Variants in UBXN2B observed in about 807,000 individuals in gnomAD.
UBXN2B encodes UBX domain protein 2B.
UBXN2B carries 19 observed loss-of-function variants against 37.5 expected under a neutral mutation model. The observed-to-expected ratio is 0.51, with a 90% CI of 0.35 to 0.74. UBXN2B has a LOEUF of 0.74. Among genes scored for constraint, UBXN2B ranks in the 30% least tolerant of loss-of-function variants. UBXN2B has a pLI of 0.01. For missense variants in UBXN2B, 370 were observed against 393.2 expected (o/e 0.94, Z 0.50); for synonymous variants, 145 against 143.8 (o/e 1.01, Z -0.06).
intron 2 of UBXN2B, among the ~76,000 whole-genome samples, chr8:58,427,610 G>A (rs1336556210): frequency 6.6e-6 from 1 of 152,172 alleles, no homozygotes; most frequent in Non-Finnish European, 1.5e-5. Context: ...AAAGAGGGAA[G>A]ACTTAAATGT....
intron 1 of UBXN2B, among the ~76,000 whole-genome samples, chr8:58,415,422 C>T (rs1417738095): frequency 6.6e-6 from 1 of 151,870 alleles, no homozygotes; most frequent in African/African-American, 2.4e-5. Context: ...TGTGTATGTG[C>T]ATGTCTGTCT....
At chr8:58,427,752 C>T (rs1352443493) in intron 2 of UBXN2B, among the ~76,000 whole-genome samples, 1 of 152,064 alleles carries the variant, frequency 6.6e-6, no homozygotes, top group East Asian at 1.9e-4. Flanking sequence ...CAACACTGGA[C>T]CATAAGTGAG....
At chr8:58,440,078 T>C (rs1808506134) in intron 6 of UBXN2B, among the ~76,000 whole-genome samples, 1 of 152,230 alleles carries the variant, frequency 6.6e-6, no homozygotes, top group Admixed American at 6.5e-5. Flanking sequence ...GATACTGTTA[T>C]TACTTCATTT....
intron 2 of UBXN2B, among the ~76,000 whole-genome samples, chr8:58,417,901 G>A (rs149249863): frequency 2.0e-5 from 3 of 152,180 alleles, no homozygotes; most frequent in South Asian, 2.1e-4. Context: ...TGAGTCTCCC[G>A]AGAAGAAGCA....
chr8:58,432,854 G>A (rs760219304), intron 3 of UBXN2B, among the ~76,000 whole-genome samples: 5 of 152,100 alleles, frequency 3.3e-5, no homozygotes, highest in African/African-American at 1.2e-4. Context: ...CAGGTATTAT[G>A]GTTCAATAAA....
At chr8:58,439,947 T>C (rs1256836264) in intron 6 of UBXN2B, among the ~76,000 whole-genome samples, 177 bp downstream of exon 6, 2 of 151,862 alleles carry the variant, frequency 1.3e-5, no homozygotes, top group Admixed American at 6.6e-5. Flanking sequence ...TATATCATAA[T>C]ATTAATTGTG....
Position 58,439,888 on chromosome 8 carries a change from A to G in UBXN2B, c.671+118A>G, listed in dbSNP as rs1808501259. ...AAAATATGAACCATGCACATTAGAT[A>G]TATACATCTGTTAATATTATATCAT... is the stretch of plus-strand genomic sequence containing the variant. On this transcript the variant is annotated intron_variant, in intron 6 of 7. Coordinates refer to ENST00000399598, the MANE Select transcript of UBXN2B (RefSeq NM_001077619.2). The G allele has an allele frequency of 3.6e-6, 3 of 836,136 alleles. No individual in the cohort carries two copies. In the South Asian group the frequency reaches 6.5e-5, roughly 18 times the overall value. 51.8% of individuals were successfully genotyped at this position (836,136 alleles called of 1,614,324 possible). A position where few individuals can be genotyped will look rare whatever the true frequency, so the allele number is the denominator to read the frequency against.
rs559568691 is a variant in UBXN2B at position 58,450,243 on chromosome 8, C to G, written c.*2692C>G. On this transcript the variant is annotated 3_prime_UTR_variant, in exon 8 of 8. Coordinates refer to ENST00000399598, the MANE Select transcript of UBXN2B (RefSeq NM_001077619.2). ...CCTGGTTTCTTTATATTTAACAGGT[C>G]TTCCCTCAATCTACCTCTTTCCACA... 6.6e-6 allele frequency: 1 copy of G among 152,260 alleles called. No homozygotes were observed. The highest frequency in any genetic ancestry group is 1.9e-4 in the East Asian group (1 of 5,180). 9.4% of individuals were successfully genotyped at this position (152,260 alleles called of 1,614,324 possible).
At chr8:58,446,106 T>C (rs769069675) in intron 7 of UBXN2B, 38 bp downstream of exon 7, 11 of 1,561,472 alleles carry the variant, frequency 7.0e-6, no homozygotes, top group Non-Finnish European at 8.6e-6. Flanking sequence ...TTTGCTGTTA[T>C]ATACACTGGA....
At chr8:58,438,897 T>A (rs186106795) in intron 5 of UBXN2B, among the ~76,000 whole-genome samples, 1 of 152,154 alleles carries the variant, frequency 6.6e-6, no homozygotes, top group East Asian at 1.9e-4. Context: ...GAGGTGGGGC[T>A]GGTGGGAGGT....
At chr8:58,419,995 T>A (rs1189756299) in intron 2 of UBXN2B, among the ~76,000 whole-genome samples, 1 of 152,358 alleles carries the variant, frequency 6.6e-6, no homozygotes, top group East Asian at 1.9e-4. Flanking sequence ...TCACAAATTA[T>A]GTAGCCAGTT....
chr8:58,426,137 A>G (rs1808078007), intron 2 of UBXN2B: 1 of 1,160,240 alleles, frequency 8.6e-7, no homozygotes, highest in African/African-American at 1.5e-5. Flanking sequence ...ATGCCGGACC[A>G]ACTCAGCCAA....
In UBXN2B at chr8:58,449,231, G is replaced by C. The variant is rs894044734; in HGVS notation, c.*1680G>C. Reference sequence around the variant, plus strand: ...TGCAAAATCTCTTTTACCATCTAAGGTTACATACAGGTTTGGAGATTAGGA... The same window carrying C: ...TGCAAAATCTCTTTTACCATCTAAGCTTACATACAGGTTTGGAGATTAGGA... On this transcript the variant is annotated 3_prime_UTR_variant, in exon 8 of 8. Transcript: ENST00000399598. The C allele has an allele frequency of 6.6e-6, 1 of 152,086 alleles. No homozygotes were observed. Among genetic ancestry groups the C allele is most frequent in the Non-Finnish European group, 1.5e-5 (1 of 68,018 alleles). The allele number at this position is 152,086 out of a possible 1,614,324, so 9.4% of individuals were successfully genotyped here.
chr8:58,417,972 G>A (rs1807827957), intron 2 of UBXN2B, among the ~76,000 whole-genome samples: 1 of 152,126 alleles, frequency 6.6e-6, no homozygotes, highest in Admixed American at 6.5e-5. Flanking sequence ...GGGAGTGGTG[G>A]CTTATGCCTG....
At chr8:58,418,197 C>T (rs1021674965) in intron 2 of UBXN2B, among the ~76,000 whole-genome samples, 3 of 141,512 alleles carry the variant, frequency 2.1e-5, no homozygotes, top group Admixed American at 7.3e-5. Flanking sequence ...GCCGAGATGG[C>T]GCGACTGCAC....
At chr8:58,447,247 A>G in intron 7 of UBXN2B, 142 bp from the exon 8 acceptor site, 2 of 700,996 alleles carry the variant, frequency 2.9e-6, no homozygotes, top group South Asian at 3.0e-5. Context: ...AAATCCTTCA[A>G]TTGAAATACT....
chr8:58,431,448 T>A (rs1011555418), intron 3 of UBXN2B, among the ~76,000 whole-genome samples: 2 of 152,232 alleles, frequency 1.3e-5, no homozygotes, highest in African/African-American at 4.8e-5. Context: ...TATATAGATA[T>A]ACCACAGTTT....
chr8:58,443,224 T>C (rs1348271187), intron 6 of UBXN2B, among the ~76,000 whole-genome samples: 2 of 152,168 alleles, frequency 1.3e-5, no homozygotes, highest in African/African-American at 4.8e-5. Flanking sequence ...ACATTCTTAT[T>C]ATGTTTCCCT....
At position 58,422,010 on chromosome 8, in the gene UBXN2B, A is replaced by G. The variant is rs529592645; in HGVS notation, c.188+5057A>G. On this transcript the variant is annotated intron_variant, in intron 2 of 7. Coordinates refer to ENST00000399598, the MANE Select transcript of UBXN2B (RefSeq NM_001077619.2). ...ACAATCAAACTCTTGTGTGCTGGTG[A>G]AAGACTTTACCCCCAAAGTCAAGTC... Among the ~76,000 whole-genome samples the G allele has an allele frequency of 6.6e-5, 10 of 152,386 alleles. No homozygotes were observed. The South Asian group carries it at 1.7e-3, about 25-fold the overall frequency.
Sources: allele counts gnomAD v4.1 joint callset (sites outside exome capture counted in the v4.1 genomes callset), GRCh38; gene constraint gnomAD v4.1.1; transcripts MANE v1.5; gene names NCBI Gene and HGNC (gene_info 2026-07-23, HGNC 2026-07-21).